Variants in EIPR1 observed in about 807,000 individuals in gnomAD.
EIPR1 encodes the protein EARP and GARP complex-interacting protein 1.
In EIPR1, 25 loss-of-function variants were observed where a neutral mutation model predicts 48.1. The observed-to-expected ratio is 0.52, with a 90% CI of 0.38 to 0.73. EIPR1 has a LOEUF of 0.73. Ranked by LOEUF, EIPR1 falls within the 30% of genes least tolerant of loss-of-function variation. The pLI, the probability that EIPR1 is intolerant of heterozygous loss-of-function variation, is 0.00. For synonymous variants in EIPR1, 204 were observed against 201.9 expected, an observed-to-expected ratio of 1.01 and a Z score of -0.09; for missense variants, 415 against 506.2, an observed-to-expected ratio of 0.82 and a Z score of 1.73.
chr2:3,369,735 G>C (rs531755680), intron 1 of EIPR1, among the ~76,000 whole-genome samples: 50 of 152,394 alleles, frequency 3.3e-4, no homozygotes, highest in Non-Finnish European at 5.9e-4. Context: ...CAGCCGGGAA[G>C]CTCGAACTGG....
At chr2:3,360,443 C>A (rs1284352377) in intron 1 of EIPR1, among the ~76,000 whole-genome samples, 1 of 151,778 alleles carries the variant, frequency 6.6e-6, no homozygotes, top group African/African-American at 2.4e-5. Flanking sequence ...AAGGCCAAGG[C>A]ATTTTTCTCA....
At chr2:3,269,480 G>GTCATCGCAA (rs1667618728) in intron 3 of EIPR1, among the ~76,000 whole-genome samples, 1 of 31,238 alleles carries the variant, frequency 3.2e-5, no homozygotes, top group South Asian at 2.1e-3. Context: ...ATCGCACTCA[G>GTCATCGCAA]TCATCGCACT....
intron 2 of EIPR1, among the ~76,000 whole-genome samples, chr2:3,351,144 G>GCA (rs1239105956): frequency 6.6e-6 from 1 of 151,962 alleles, no homozygotes; most frequent in Non-Finnish European, 1.5e-5. Context: ...GGGATTACAG[G>GCA]TGCGTGCCAC....
rs557134037 is a variant in EIPR1, at chr2:3,335,501, G to A, written c.259+2516C>T. On this transcript the variant is annotated intron_variant, in intron 3 of 8. Coordinates refer to ENST00000382125, the MANE Select transcript of EIPR1 (RefSeq NM_003310.5). Reference sequence around the variant, plus strand: ...GTGGGGGGACAGGGCAAGGGTGGAGGAGAGGGCAAACGGGGAAGAGTTATA... The same window carrying A: ...GTGGGGGGACAGGGCAAGGGTGGAGAAGAGGGCAAACGGGGAAGAGTTATA... 2.0e-5 allele frequency among the ~76,000 whole-genome samples: 3 copies of A among 152,292 alleles called. No individual in the cohort carries two copies. The South Asian group carries it at 6.2e-4, about 32-fold the overall frequency.
intron 5 of EIPR1, among the ~76,000 whole-genome samples, chr2:3,213,933 G>A (rs959740999): frequency 6.6e-6 from 1 of 152,080 alleles, no homozygotes; most frequent in African/African-American, 2.4e-5. Flanking sequence ...CATGTGCCGT[G>A]TTGGTGTGCT....
intron 3 of EIPR1, among the ~76,000 whole-genome samples, chr2:3,293,689 T>C (rs1461568708): frequency 6.6e-6 from 1 of 152,216 alleles, no homozygotes. Flanking sequence ...AGCTGTTGGA[T>C]GCAGGTGGCC....
chr2:3,320,125 AACACCACCCCTGC>A, intron 3 of EIPR1: 1 of 188,668 alleles, frequency 5.3e-6, no homozygotes. Context: ...CCCTGGGGGC[AACACCACCCCTGC>A]GGGCAACACC....
chr2:3,212,363 C>T (rs1011280464), intron 5 of EIPR1, among the ~76,000 whole-genome samples: 3 of 152,162 alleles, frequency 2.0e-5, no homozygotes, highest in Non-Finnish European at 4.4e-5. Context: ...CCTGAGACAG[C>T]GAGCACAGTA....
At chr2:3,274,995 C>T (rs1323810555) in intron 3 of EIPR1, among the ~76,000 whole-genome samples, 1 of 151,652 alleles carries the variant, frequency 6.6e-6, no homozygotes, top group Non-Finnish European at 1.5e-5. Flanking sequence ...AGGACCAAAA[C>T]CCCCCAAAAC....
chr2:3,316,645 T>C (rs982940934), intron 3 of EIPR1, among the ~76,000 whole-genome samples: 1 of 152,268 alleles, frequency 6.6e-6, no homozygotes, highest in Non-Finnish European at 1.5e-5. Context: ...CCAGTTTTTC[T>C]GTCTTCACGT....
chr2:3,274,562 T>G, intron 3 of EIPR1: 1 of 1,208,186 alleles, frequency 8.3e-7, no homozygotes, highest in Non-Finnish European at 1.1e-6. Flanking sequence ...TCCAAAAGCC[T>G]CACTAAGGGA....
At chr2:3,219,091 C>T (rs1394481217) in intron 4 of EIPR1, among the ~76,000 whole-genome samples, 1 of 150,176 alleles carries the variant, frequency 6.7e-6, no homozygotes, top group South Asian at 2.1e-4. Context: ...CTAGAGCATT[C>T]ACAGTGACTC....
intron 3 of EIPR1, chr2:3,274,496 C>T (rs1667790542): frequency 2.0e-6 from 3 of 1,498,186 alleles, no homozygotes; most frequent in Non-Finnish European, 2.7e-6. Flanking sequence ...TAAATCAAGC[C>T]ATGAGACCCT....
chr2:3,334,817 T>C (rs781470181), intron 3 of EIPR1, among the ~76,000 whole-genome samples: 6 of 152,158 alleles, frequency 3.9e-5, no homozygotes, highest in Non-Finnish European at 7.4e-5. Flanking sequence ...GCTGACAGAT[T>C]AGGGAAATAC....
intron 4 of EIPR1, among the ~76,000 whole-genome samples, chr2:3,238,718 A>T (rs533675749): frequency 2.8e-4 from 43 of 152,348 alleles, no homozygotes; most frequent in Admixed American, 2.6e-3. Flanking sequence ...GAAAGGGTTC[A>T]TCTTGCAGTC....
At chr2:3,358,507 T>G (rs1389900581) in intron 1 of EIPR1, among the ~76,000 whole-genome samples, 2 of 152,214 alleles carry the variant, frequency 1.3e-5, no homozygotes, top group Admixed American at 1.3e-4. Context: ...CCAATTCAAC[T>G]CTTCAAGATA....
rs140233777 is a variant in EIPR1 at position 3,303,454 on chromosome 2, C to G, written c.259+34563G>C. Among the ~76,000 whole-genome samples, 1,085 of 152,362 alleles carry G rather than the reference C, an allele frequency of 7.1e-3. 14 individuals are homozygous for G. Among genetic ancestry groups the G allele is most frequent in the African/African-American group, 0.025 (1,049 of 41,590 alleles). ...CCGACCACCACCTGGAAGTCACCGG[C>G]ACTGCTGCCACCTCGACCGCCACTC... On this transcript the variant is annotated intron_variant, in intron 3 of 8. Coordinates refer to ENST00000382125, the MANE Select transcript of EIPR1 (RefSeq NM_003310.5).
chr2:3,371,378 A>C (rs1024649376), intron 1 of EIPR1, among the ~76,000 whole-genome samples: 1 of 152,226 alleles, frequency 6.6e-6, no homozygotes, highest in African/African-American at 2.4e-5. Context: ...AAATTCACAC[A>C]TAATATTAAC....
intron 4 of EIPR1, among the ~76,000 whole-genome samples, chr2:3,233,090 A>G (rs1340338791): frequency 6.6e-6 from 1 of 152,262 alleles, no homozygotes; most frequent in Non-Finnish European, 1.5e-5. Context: ...ACTACTGTTA[A>G]TAAGTGATTG....
Sources: allele counts gnomAD v4.1 joint callset (sites outside exome capture counted in the v4.1 genomes callset), GRCh38; gene constraint gnomAD v4.1.1; transcripts MANE v1.5; gene names NCBI Gene and HGNC (gene_info 2026-07-23, HGNC 2026-07-21).